Variants in NR2C2 observed in about 807,000 individuals in gnomAD.
The protein encoded by NR2C2 is nuclear receptor subfamily 2 group C member 2.
Under a neutral mutation model 62.9 loss-of-function variants are expected in NR2C2, and 6 were observed. That is an observed-to-expected ratio of 0.10 (90% CI 0.05 to 0.19). The LOEUF (loss-of-function observed/expected upper bound fraction) is 0.19, where lower values mean the gene tolerates loss of function less well. NR2C2 is among the 10% of genes least tolerant of loss of function. The probability of loss-of-function intolerance (pLI) is 1.00; values close to 1 mark genes in which losing one functional copy is unlikely to be tolerated. For missense variants in NR2C2, 479 were observed against 762.7 expected (o/e 0.63, Z 4.38); for synonymous variants, 272 against 273.8 (o/e 0.99, Z 0.07).
intron 1 of NR2C2, chr3:14,962,578 T>A (rs977153458): frequency 6.6e-6 from 1 of 151,294 alleles, no homozygotes; most frequent in Non-Finnish European, 1.5e-5. Context: ...TTCAAAACAG[T>A]CCCTTGGAGG....
chr3:14,965,523 A>AG (rs2039820236), intron 1 of NR2C2, among the ~76,000 whole-genome samples: 1 of 43,026 alleles, frequency 2.3e-5, no homozygotes, highest in Admixed American at 2.6e-4. Context: ...TTCCCATGGC[A>AG]AAAAAAAAAA....
intron 11 of NR2C2, among the ~76,000 whole-genome samples, chr3:15,037,690 A>G (rs139900701): frequency 7.6e-4 from 116 of 152,350 alleles, no homozygotes; most frequent in African/African-American, 2.7e-3. Context: ...GAATAAAGGA[A>G]TTATTACTCA....
At chr3:14,988,658 C>T (rs983510989) in intron 1 of NR2C2, among the ~76,000 whole-genome samples, 4 of 152,158 alleles carry the variant, frequency 2.6e-5, no homozygotes, top group African/African-American at 9.7e-5. Flanking sequence ...TGTTTTGTTT[C>T]TTAGAACTTT....
At chr3:15,005,215 C>G (rs1168376468) in intron 2 of NR2C2, among the ~76,000 whole-genome samples, 1 of 151,868 alleles carries the variant, frequency 6.6e-6, no homozygotes, top group Non-Finnish European at 1.5e-5. Context: ...GAGACAGGGT[C>G]TTGCTCTGTC....
chr3:14,950,759 C>G (rs1001012542), intron 1 of NR2C2, among the ~76,000 whole-genome samples: 1 of 152,194 alleles, frequency 6.6e-6, no homozygotes, highest in Non-Finnish European at 1.5e-5. Flanking sequence ...ACTTATCCAG[C>G]ACTTAGAAGA....
At chr3:14,987,962 C>G (rs920671969) in intron 1 of NR2C2, among the ~76,000 whole-genome samples, 5 of 152,260 alleles carry the variant, frequency 3.3e-5, no homozygotes, top group African/African-American at 1.2e-4. Flanking sequence ...TTTCTGTATC[C>G]CGGAAACATA....
intron 11 of NR2C2, among the ~76,000 whole-genome samples, chr3:15,035,535 C>T (rs2042081981): frequency 6.6e-6 from 1 of 152,234 alleles, no homozygotes; most frequent in South Asian, 2.1e-4. Context: ...CCTCATTTTT[C>T]CCTATGGAGG....
intron 1 of NR2C2, among the ~76,000 whole-genome samples, chr3:14,975,610 G>A (rs933853897): frequency 6.6e-6 from 1 of 152,142 alleles, no homozygotes; most frequent in Admixed American, 6.5e-5. Flanking sequence ...GCTGAATTCA[G>A]TTTGCTAGTA....
chr3:15,004,185 G>A (rs1041085019), intron 2 of NR2C2, among the ~76,000 whole-genome samples, 199 bp downstream of exon 2: 1 of 152,168 alleles, frequency 6.6e-6, no homozygotes, highest in Non-Finnish European at 1.5e-5. Context: ...AGCCTAAACT[G>A]TTGTTTCAAA....
At chr3:14,971,183 T>A (rs547086079) in intron 1 of NR2C2, among the ~76,000 whole-genome samples, 1 of 152,144 alleles carries the variant, frequency 6.6e-6, no homozygotes, top group South Asian at 2.1e-4. Context: ...AGTGGCGCAA[T>A]CTTGGCTCAC....
chr3:15,043,236 A>G lies in NR2C2; in HGVS notation c.*228A>G. 1 of 367,582 alleles carries G rather than the reference A, an allele frequency of 2.7e-6. No homozygotes were observed. Among genetic ancestry groups the G allele is most frequent in the East Asian group, 4.2e-5 (1 of 24,088 alleles). 22.8% of individuals were successfully genotyped at this position (367,582 alleles called of 1,614,324 possible). ...CTTTTGATGAAGCAGCAGATTTTGG[A>G]ACAATCTTTTAACTCAATTTGTATT... On this transcript the variant is annotated 3_prime_UTR_variant, in exon 14 of 14. Transcript: ENST00000425241.
intron 1 of NR2C2, among the ~76,000 whole-genome samples, chr3:15,000,900 T>C (rs1191210602): frequency 1.3e-5 from 2 of 150,556 alleles, no homozygotes; most frequent in Non-Finnish European, 3.0e-5. Flanking sequence ...CTGCAAGCTC[T>C]GCCTCCCGGA....
At chr3:15,032,934 G>A (rs917748121) in intron 10 of NR2C2, among the ~76,000 whole-genome samples, 6 of 152,058 alleles carry the variant, frequency 3.9e-5, no homozygotes, top group East Asian at 1.9e-4. Flanking sequence ...ACATTGAGTA[G>A]TACAGAACCT....
At position 15,043,774 on chromosome 3, in the gene NR2C2, C is replaced by G. The variant is rs2125108799; in HGVS notation, c.*766C>G. The G allele has an allele frequency of 6.6e-6, 1 of 152,374 alleles. No homozygotes were observed. The highest frequency in any genetic ancestry group is 1.5e-5 in the Non-Finnish European group (1 of 68,052). The allele number at this position is 152,374 out of a possible 1,614,324, so 9.4% of individuals were successfully genotyped here. A position where few individuals can be genotyped will look rare whatever the true frequency, so the allele number is the denominator to read the frequency against. ...CTTGGTCCTGGTCTCTGATGGGCAT[C>G]TGCAGACTCCTCTAGAACCTGGGGT... On this transcript the variant is annotated 3_prime_UTR_variant, in exon 14 of 14. Transcript: ENST00000425241.
At chr3:14,976,607 T>TCC in intron 1 of NR2C2, among the ~76,000 whole-genome samples, 2 of 145,946 alleles carry the variant, frequency 1.4e-5, no homozygotes, top group Non-Finnish European at 3.0e-5. Context: ...CCTTCCTTTT[T>TCC]TTTTTTTTTT....
intron 1 of NR2C2, among the ~76,000 whole-genome samples, chr3:14,953,676 A>G (rs974166133): frequency 9.2e-5 from 14 of 152,104 alleles, no homozygotes; most frequent in Admixed American, 7.2e-4. Flanking sequence ...CAGGCGGATC[A>G]TGAGGTCAGG....
At chr3:15,037,872 A>C in intron 11 of NR2C2, 128 bp from the exon 12 acceptor site, 2 of 1,009,306 alleles carry the variant, frequency 2.0e-6, no homozygotes, top group South Asian at 3.3e-5. Flanking sequence ...GCTCTTGTTC[A>C]CCTTGAGATT....
In NR2C2 at chr3:14,947,782, C is replaced by A. The variant is rs969998220; in HGVS notation, c.-164C>A. On this transcript the variant is annotated 5_prime_UTR_variant, in exon 1 of 14. Transcript: ENST00000425241. ...GCCCGCTGCCCCGCGAGCCCGCGGC[C>A]CCCGGGCTCCCGCCATCCGCCGACA... The A allele has an allele frequency of 2.0e-5, 3 of 149,948 alleles. No homozygotes were observed. The highest frequency in any genetic ancestry group is 3.0e-5 in the Non-Finnish European group (2 of 67,164). 9.3% of individuals were successfully genotyped at this position (149,948 alleles called of 1,614,324 possible).
At chr3:15,016,695 A>G (rs2041520442) in intron 4 of NR2C2, among the ~76,000 whole-genome samples, 2 of 152,296 alleles carry the variant, frequency 1.3e-5, no homozygotes, top group South Asian at 2.1e-4. Context: ...GATTCCAGCT[A>G]GTGTCCCAGG....
Sources: allele counts gnomAD v4.1 joint callset (sites outside exome capture counted in the v4.1 genomes callset), GRCh38; gene constraint gnomAD v4.1.1; transcripts MANE v1.5; gene names NCBI Gene and HGNC (gene_info 2026-07-23, HGNC 2026-07-21).